CADM2: variants seen among roughly 807,000 people sequenced by gnomAD.
The protein encoded by CADM2 is cell adhesion molecule 2, also known as immunoglobulin superfamily member 4D.
In CADM2, 12 loss-of-function variants were observed where a neutral mutation model predicts 49.8. The observed-to-expected ratio is 0.24, with a 90% CI of 0.15 to 0.39. CADM2 has a LOEUF of 0.39. Among genes scored for constraint, CADM2 ranks in the 10% least tolerant of loss-of-function variants. The pLI, the probability that CADM2 is intolerant of heterozygous loss-of-function variation, is 1.00. For synonymous variants in CADM2, 214 were observed against 175.4 expected (o/e 1.22, Z -1.74); for missense variants, 378 against 492.3 (o/e 0.77, Z 2.20).
intron 1 of CADM2, among the ~76,000 whole-genome samples, chr3:85,002,137 C>G (rs1299187455): frequency 6.6e-6 from 1 of 152,000 alleles, no homozygotes; most frequent in Non-Finnish European, 1.5e-5. Context: ...GTAGCAACAT[C>G]ATTTCTTAAT....
chr3:85,304,638 T>A (rs930378287), intron 1 of CADM2, among the ~76,000 whole-genome samples: 2 of 151,846 alleles, frequency 1.3e-5, no homozygotes, highest in African/African-American at 4.8e-5. Flanking sequence ...CTCACCTTTC[T>A]TTTGACTGGA....
intron 8 of CADM2, among the ~76,000 whole-genome samples, chr3:85,990,416 A>G (rs527823762): frequency 6.6e-6 from 1 of 152,264 alleles, no homozygotes; most frequent in East Asian, 1.9e-4. Context: ...TTTTTGACTT[A>G]TATTTTTAAC....
chr3:86,051,274 A>G (rs1418516417), intron 8 of CADM2, among the ~76,000 whole-genome samples: 2 of 152,136 alleles, frequency 1.3e-5, no homozygotes, highest in Non-Finnish European at 1.5e-5. Context: ...ACACATAACT[A>G]ACGTGACCTT....
chr3:85,686,821 C>T (rs2066231188), intron 1 of CADM2, among the ~76,000 whole-genome samples: 1 of 152,178 alleles, frequency 6.6e-6, no homozygotes, highest in Non-Finnish European at 1.5e-5. Context: ...AAGAATGCAA[C>T]CATTTGTCTC....
At chr3:85,984,871 T>C (rs1244229569) in intron 8 of CADM2, among the ~76,000 whole-genome samples, 1 of 152,002 alleles carries the variant, frequency 6.6e-6, no homozygotes, top group East Asian at 1.9e-4. Context: ...ACATTATTTG[T>C]CTGGTAATCT....
chr3:85,191,556 CA>C (rs1249060048), intron 1 of CADM2, among the ~76,000 whole-genome samples: 1 of 152,068 alleles, frequency 6.6e-6, no homozygotes, highest in Non-Finnish European at 1.5e-5. Context: ...GTGAACCTGT[CA>C]GCAAGTTTGG....
At chr3:85,681,574 G>A (rs1043879485) in intron 1 of CADM2, among the ~76,000 whole-genome samples, 1 of 151,844 alleles carries the variant, frequency 6.6e-6, no homozygotes, top group Non-Finnish European at 1.5e-5. Flanking sequence ...ATATCAGAAC[G>A]GCATAACATG....
chr3:85,132,205 A>G (rs1315197310), intron 1 of CADM2, among the ~76,000 whole-genome samples: 1 of 152,202 alleles, frequency 6.6e-6, no homozygotes, highest in East Asian at 1.9e-4. Context: ...TTTCTGATAA[A>G]CTTACAAGGC....
At position 85,574,581 on chromosome 3, in the gene CADM2, A is replaced by T. The variant is rs568449279; in HGVS notation, c.62-151941A>T. ...CTCAATCTGTTCAGCTTTCCCTGGT[A>T]TTACTAACCTTCAAAGACTTAGTTG... On this transcript the variant is annotated intron_variant, in intron 1 of 9. Coordinates refer to ENST00000383699, the MANE Select transcript of CADM2 (RefSeq NM_001167675.2). 2.2e-4 allele frequency among the ~76,000 whole-genome samples: 33 copies of T among 152,320 alleles called. No homozygotes were observed. The South Asian group carries it at 6.6e-3, about 31-fold the overall frequency.
At chr3:85,112,388 A>G (rs2038490861) in intron 1 of CADM2, among the ~76,000 whole-genome samples, 1 of 151,406 alleles carries the variant, frequency 6.6e-6, no homozygotes, top group Non-Finnish European at 1.5e-5. Flanking sequence ...ACTCAACTAT[A>G]AAGTGAAGTT....
At chr3:85,120,037 G>A (rs996449194) in intron 1 of CADM2, among the ~76,000 whole-genome samples, 2 of 152,122 alleles carry the variant, frequency 1.3e-5, no homozygotes, top group African/African-American at 4.8e-5. Flanking sequence ...GATATGAACA[G>A]ACATTTCTCA....
chr3:86,028,565 A>T (rs566736521), intron 8 of CADM2, among the ~76,000 whole-genome samples: 2 of 152,316 alleles, frequency 1.3e-5, no homozygotes, highest in South Asian at 4.1e-4. Context: ...CTTTTAGAGA[A>T]AATCTTCTCT....
intron 1 of CADM2, among the ~76,000 whole-genome samples, chr3:85,207,537 C>A (rs1256874326): frequency 6.6e-6 from 1 of 152,052 alleles, no homozygotes; most frequent in African/African-American, 2.4e-5. Context: ...TCAAATTTTA[C>A]TACTATCAGC....
At chr3:85,091,828 A>C (rs1353539094) in intron 1 of CADM2, among the ~76,000 whole-genome samples, 1 of 152,130 alleles carries the variant, frequency 6.6e-6, no homozygotes, top group Non-Finnish European at 1.5e-5. Flanking sequence ...TTAGCTGATA[A>C]AATATGGTTA....
intron 1 of CADM2, among the ~76,000 whole-genome samples, chr3:85,310,649 G>T (rs2107044897): frequency 6.6e-6 from 1 of 152,188 alleles, no homozygotes; most frequent in South Asian, 2.1e-4. Flanking sequence ...AAGGGAGCAT[G>T]GGAAAAAAGG....
In CADM2 at chr3:85,780,324, A is replaced by G. The variant is rs545167146; in HGVS notation, c.89-21723A>G. ...CCTGAAGTGAGAAAACACTGGAGCT[A>G]GTTCTTCCCACTCTTGTCCTCAATC... On this transcript the variant is annotated intron_variant, in intron 2 of 9. Coordinates refer to ENST00000383699, the MANE Select transcript of CADM2 (RefSeq NM_001167675.2). 3.3e-5 allele frequency among the ~76,000 whole-genome samples: 5 copies of G among 152,304 alleles called. No individual in the cohort carries two copies. In the East Asian group the frequency reaches 9.7e-4, roughly 29 times the overall value.
chr3:86,065,649 A>G lies in CADM2; in HGVS notation c.1015A>G (p.Ile339Val), dbSNP rs760533737. 2.9e-5 allele frequency: 47 copies of G among 1,613,794 alleles called. No individual in the cohort carries two copies. The highest frequency in any genetic ancestry group is 3.8e-5 in the Non-Finnish European group (45 of 1,179,874). Residue 339 changes from isoleucine to valine, a missense_variant, in exon 9 of 10, where the codon ATA becomes GTA. Physicochemically the swap from Ile to Val is conservative, Grantham distance 29. Transcript: ENST00000383699. Reference sequence around the variant, plus strand: ...CCAGAATGGCCCTGACCATGCTCTCATAGGAGGAATAGTGGCTGTAGTTGT... The same window carrying G: ...CCAGAATGGCCCTGACCATGCTCTCGTAGGAGGAATAGTGGCTGTAGTTGT... ...AGQNGPDHAL[I>V]GGIVAVVVFV... is the part of the protein sequence containing the mutation.
At chr3:85,423,741 G>A (rs533739512) in intron 1 of CADM2, among the ~76,000 whole-genome samples, 2 of 152,238 alleles carry the variant, frequency 1.3e-5, no homozygotes, top group African/African-American at 4.8e-5. Context: ...CAGCATGCAC[G>A]TCTCATTGCT....
In CADM2 at chr3:85,614,803, TTTGTAGCTACA is replaced by T. The variant is rs2063759755; in HGVS notation, c.62-111715_62-111705del. Among the ~76,000 whole-genome samples the T allele has an allele frequency of 3.3e-5, 5 of 152,128 alleles. No homozygotes were observed. The South Asian group carries it at 1.0e-3, about 32-fold the overall frequency. ...TCCAGATGTTGAAAATTTGTGTGGA[TTTGTAGCTACA>T]TTGCTACTTCACTTTTTGGTTGTTT... is the stretch of plus-strand genomic sequence containing the variant. On this transcript the variant is annotated intron_variant, in intron 1 of 9. Transcript: ENST00000383699.
Sources: gnomAD v4.1 joint callset for allele counts (sites outside exome capture counted in the v4.1 genomes callset) on GRCh38, gnomAD v4.1.1 for gene constraint, MANE v1.5 for transcripts, NCBI Gene and HGNC (gene_info 2026-07-23, HGNC 2026-07-21) for gene names.